Variants in CTNNA2 observed in about 807,000 individuals in gnomAD.
CTNNA2 encodes the protein catenin alpha-2.
In CTNNA2, 42 loss-of-function variants were observed where a neutral mutation model predicts 101.0. The observed-to-expected ratio is 0.42, with a 90% CI of 0.32 to 0.54. The LOEUF (loss-of-function observed/expected upper bound fraction) is 0.54. Ranked by LOEUF, CTNNA2 falls within the 20% of genes least tolerant of loss-of-function variation. CTNNA2 has a pLI of 0.14. For missense variants in CTNNA2, 871 were observed against 1,223.1 expected (o/e 0.71, Z 4.29); for synonymous variants, 450 against 456.4 (o/e 0.99, Z 0.18).
chr2:80,323,141 C>G (rs182937664), intron 7 of CTNNA2, among the ~76,000 whole-genome samples: 16 of 152,324 alleles, frequency 1.1e-4, no homozygotes, highest in South Asian at 8.3e-4. Context: ...TCGCACCTTT[C>G]TTCTCTTCTG....
chr2:79,300,408 T>C (rs1676081080), intron 2 of CTNNA2, among the ~76,000 whole-genome samples: 2 of 152,178 alleles, frequency 1.3e-5, no homozygotes, highest in South Asian at 4.1e-4. Context: ...TTTTTAACAA[T>C]AGACCATAGA....
At chr2:79,618,868 G>C (rs553992272) in intron 1 of CTNNA2, among the ~76,000 whole-genome samples, 1 of 152,322 alleles carries the variant, frequency 6.6e-6, no homozygotes, top group East Asian at 1.9e-4. Context: ...CTATTGGAGA[G>C]AAGGGATATG....
intron 6 of CTNNA2, among the ~76,000 whole-genome samples, chr2:79,890,322 C>T (rs560616527): frequency 5.3e-5 from 8 of 152,244 alleles, no homozygotes; most frequent in East Asian, 3.9e-4. Context: ...AAAGATGCTG[C>T]CAAATAATCA....
chr2:79,467,495 G>A (rs1025342326), intron 4 of CTNNA2, among the ~76,000 whole-genome samples: 1 of 152,128 alleles, frequency 6.6e-6, no homozygotes, highest in Non-Finnish European at 1.5e-5. Context: ...TAGCAAGGCA[G>A]GCCAACATTT....
intron 4 of CTNNA2, among the ~76,000 whole-genome samples, chr2:79,411,241 CA>C (rs1678406450): frequency 1.3e-5 from 2 of 151,738 alleles, no homozygotes; most frequent in South Asian, 2.1e-4. Context: ...ATGATCCTTT[CA>C]AAAAACCAGC....
At chr2:79,287,204 C>A (rs1675625048) in intron 2 of CTNNA2, among the ~76,000 whole-genome samples, 1 of 152,140 alleles carries the variant, frequency 6.6e-6, no homozygotes. Context: ...GTTTGAATGT[C>A]CTCCCGTAGC....
At chr2:80,467,091 C>T (rs1684923724) in intron 9 of CTNNA2, among the ~76,000 whole-genome samples, 1 of 152,100 alleles carries the variant, frequency 6.6e-6, no homozygotes, top group African/African-American at 2.4e-5. Flanking sequence ...AATACCTTAA[C>T]ATAAAGAAAT....
chr2:80,174,824 T>C (rs1705293838), intron 7 of CTNNA2, among the ~76,000 whole-genome samples: 1 of 152,162 alleles, frequency 6.6e-6, no homozygotes, highest in Admixed American at 6.5e-5. Context: ...TGTTCACATC[T>C]CTCTGTCTAC....
intron 4 of CTNNA2, among the ~76,000 whole-genome samples, chr2:79,864,887 A>G (rs1199081019): frequency 1.3e-5 from 2 of 152,184 alleles, no homozygotes; most frequent in African/African-American, 4.8e-5. Flanking sequence ...TCTACCGGAT[A>G]AGCATAGGGA....
intron 1 of CTNNA2, among the ~76,000 whole-genome samples, chr2:79,583,387 T>G (rs573579318): frequency 1.3e-5 from 2 of 152,148 alleles, no homozygotes; most frequent in South Asian, 2.1e-4. Context: ...TGTGATTTTT[T>G]TTCTTGTTGT....
intron 3 of CTNNA2, among the ~76,000 whole-genome samples, chr2:79,824,657 T>A (rs1278005810): frequency 6.6e-6 from 1 of 152,120 alleles, no homozygotes; most frequent in South Asian, 2.1e-4. Context: ...AGATATTTTT[T>A]AAATGTAGAA....
intron 7 of CTNNA2, among the ~76,000 whole-genome samples, chr2:80,215,843 A>G (rs1489269482): frequency 6.6e-6 from 1 of 152,172 alleles, no homozygotes; most frequent in Non-Finnish European, 1.5e-5. Flanking sequence ...TTGTTCATCT[A>G]TGCCCTGCCC....
At chr2:80,270,256 C>G (rs1282943715) in intron 7 of CTNNA2, among the ~76,000 whole-genome samples, 8 of 152,158 alleles carry the variant, frequency 5.3e-5, no homozygotes. Context: ...TTGCTCAGCC[C>G]AAACTGTACT....
intron 6 of CTNNA2, among the ~76,000 whole-genome samples, chr2:79,881,420 C>G (rs1574215507): frequency 6.6e-6 from 1 of 152,136 alleles, no homozygotes; most frequent in Non-Finnish European, 1.5e-5. Context: ...GTTAAAGTCT[C>G]TCACTATTAT....
intron 7 of CTNNA2, among the ~76,000 whole-genome samples, chr2:79,990,749 T>C (rs1692115650): frequency 2.6e-5 from 4 of 152,110 alleles, no homozygotes; most frequent in Admixed American, 2.6e-4. Flanking sequence ...CTTTTTTTGT[T>C]GTGTCTCTGC....
At chr2:79,189,268 T>C (rs1673821570) in intron 1 of CTNNA2, among the ~76,000 whole-genome samples, 1 of 152,238 alleles carries the variant, frequency 6.6e-6, no homozygotes, top group Non-Finnish European at 1.5e-5. Flanking sequence ...ATTGATAATT[T>C]GTCCTTTCTT....
At chr2:80,434,947 A>G (rs1681903150) in intron 9 of CTNNA2, among the ~76,000 whole-genome samples, 1 of 152,112 alleles carries the variant, frequency 6.6e-6, no homozygotes, top group Admixed American at 6.5e-5. Context: ...TATGGAAATC[A>G]AAGTACTTAA....
At chr2:80,062,845 A>G (rs1697697817) in intron 7 of CTNNA2, among the ~76,000 whole-genome samples, 1 of 151,822 alleles carries the variant, frequency 6.6e-6, no homozygotes, top group African/African-American at 2.4e-5. Context: ...AGCTGGGACT[A>G]CAGGCGCCCG....
At chr2:79,593,535 A>G (rs567319906) in intron 1 of CTNNA2, among the ~76,000 whole-genome samples, 3 of 152,130 alleles carry the variant, frequency 2.0e-5, no homozygotes, top group East Asian at 3.9e-4. Context: ...TTTTCCCTCA[A>G]GAGAAACAGC....
Sources: gnomAD v4.1 joint callset for allele counts (sites outside exome capture counted in the v4.1 genomes callset) on GRCh38, gnomAD v4.1.1 for gene constraint, MANE v1.5 for transcripts, NCBI Gene and HGNC (gene_info 2026-07-23, HGNC 2026-07-21) for gene names.